The following SLC45A4 variants were observed in gnomAD, a reference collection of about 807,000 sequenced individuals.
SLC45A4 encodes the protein solute carrier family 45 member 4, also known as polyamine-transporter SLC45A4.
A neutral mutation model predicts 63.7 loss-of-function variants in SLC45A4; 32 were observed. The ratio of observed to expected loss-of-function variants is 0.50; its 90% CI spans 0.38 to 0.67. The LOEUF is 0.67. Among genes scored for constraint, SLC45A4 ranks in the 30% least tolerant of loss-of-function variants. SLC45A4 has a pLI of 0.00. For synonymous variants in SLC45A4, 535 were observed against 510.0 expected (o/e 1.05, Z -0.66); for missense variants, 1,027 against 1,157.7 (o/e 0.89, Z 1.64).
At chr8:141,282,714 C>T (rs1004307541) in intron 1 of SLC45A4, among the ~76,000 whole-genome samples, 2 of 152,256 alleles carry the variant, frequency 1.3e-5, no homozygotes, top group South Asian at 2.1e-4. Context: ...CCATCTTTCC[C>T]GGGGCTGGCA....
At chr8:141,221,435 C>G in intron 3 of SLC45A4, 142 bp downstream of exon 3, 1 of 1,074,780 alleles carries the variant, frequency 9.3e-7, no homozygotes, top group East Asian at 2.6e-5. Context: ...TGGTCACCGC[C>G]AGGGTGGCCC....
chr8:141,254,941 C>A lies in SLC45A4; in HGVS notation c.-400-312G>T, dbSNP rs867481948. On this transcript the variant is annotated intron_variant, in intron 1 of 8. Coordinates refer to ENST00000517878, the MANE Select transcript of SLC45A4 (RefSeq NM_001286646.2). The surrounding 1 kb of genome is among the most constrained non-coding windows in gnomAD (Gnocchi z 4.5). The stretch of plus-strand genomic sequence containing the variant: ...TTTGGCCAGTAACAATATCGTCCAC[C>A]CTGTGTACCACAGCACGTAACTATT... Among the ~76,000 whole-genome samples, 1 of 152,142 alleles carries A rather than the reference C, an allele frequency of 6.6e-6. No individual in the cohort carries two copies. Among genetic ancestry groups the A allele is most frequent in the African/African-American group, 2.4e-5 (1 of 41,414 alleles).
At chr8:141,275,575 T>C (rs7840642) in intron 1 of SLC45A4, among the ~76,000 whole-genome samples, 57,807 of 151,044 alleles carry the variant, frequency 0.38, 11,578 homozygotes, top group African/African-American at 0.5. Flanking sequence ...AGGTGGCGTG[T>C]TCCAGCCTGG....
chr8:141,250,763 G>A (rs1183820775), intron 2 of SLC45A4, among the ~76,000 whole-genome samples: 4 of 152,248 alleles, frequency 2.6e-5, no homozygotes, highest in Admixed American at 6.5e-5. Context: ...ATCCATTTTC[G>A]ACTCAAGGTA....
intron 2 of SLC45A4, among the ~76,000 whole-genome samples, chr8:141,241,453 C>T (rs867587661): frequency 1.3e-5 from 2 of 152,198 alleles, no homozygotes; most frequent in East Asian, 1.9e-4. Flanking sequence ...ACGGAAACCT[C>T]GCTGTCTGCC....
intron 1 of SLC45A4, among the ~76,000 whole-genome samples, chr8:141,283,180 A>C (rs896498952): frequency 5.3e-5 from 8 of 152,228 alleles, no homozygotes; most frequent in African/African-American, 1.9e-4. Context: ...AGATTCCTCA[A>C]GTCCTGAGCT....
Position 141,227,710 on chromosome 8 carries a change from G to A in SLC45A4, c.242-5945C>T, listed in dbSNP as rs1391440979. ...CTGTGCTGGCGAGGGCCCCACAGCT[G>A]CAAGGAATGTTCCAGAACCACTACA... On this transcript the variant is annotated intron_variant, in intron 2 of 8. Coordinates refer to ENST00000517878, the MANE Select transcript of SLC45A4 (RefSeq NM_001286646.2). This position sits in a 1 kb window ranked among gnomAD's most constrained non-coding sequence, Gnocchi z 4.4. Among the ~76,000 whole-genome samples, 1 of 152,186 alleles carries A rather than the reference G, an allele frequency of 6.6e-6. No individual in the cohort carries two copies. Among genetic ancestry groups the A allele is most frequent in the Non-Finnish European group, 1.5e-5 (1 of 68,028 alleles).
chr8:141,281,669 A>G (rs1210494609), intron 1 of SLC45A4, among the ~76,000 whole-genome samples: 1 of 152,246 alleles, frequency 6.6e-6, no homozygotes, highest in African/African-American at 2.4e-5. Context: ...AGCCTGAAAG[A>G]GACAAAAAAC....
chr8:141,277,646 AT>A (rs533708800), intron 1 of SLC45A4, among the ~76,000 whole-genome samples: 34 of 147,656 alleles, frequency 2.3e-4, no homozygotes, highest in Admixed American at 5.4e-4. Flanking sequence ...ATCTTTAAAC[AT>A]TTTTTTTTTT....
chr8:141,222,083 G>A (rs996207438), intron 2 of SLC45A4, among the ~76,000 whole-genome samples: 7 of 121,226 alleles, frequency 5.8e-5, no homozygotes, highest in Admixed American at 2.6e-4. Context: ...AGGGCGCCCC[G>A]CCCAGGGCTG....
intron 2 of SLC45A4, among the ~76,000 whole-genome samples, chr8:141,247,859 C>A (rs1372147391): frequency 6.6e-6 from 1 of 152,186 alleles, no homozygotes; most frequent in East Asian, 1.9e-4. Context: ...TATAGGTAGC[C>A]AGTAAATGCC....
chr8:141,282,878 T>C (rs1057043423), intron 1 of SLC45A4, among the ~76,000 whole-genome samples: 8 of 152,244 alleles, frequency 5.3e-5, no homozygotes, highest in African/African-American at 1.9e-4. Context: ...TGGGGCTGGC[T>C]GGCACGTGAG....
intron 1 of SLC45A4, among the ~76,000 whole-genome samples, chr8:141,270,505 C>A (rs1169110561): frequency 6.6e-6 from 1 of 151,428 alleles, no homozygotes; most frequent in African/African-American, 2.4e-5. Flanking sequence ...AAAACCCCAT[C>A]TTTACAAAAA....
In SLC45A4 at chr8:141,256,046, C is replaced by T. The variant is rs928786934; in HGVS notation, c.-400-1417G>A. ...ACCCCAACCCTCGGCTTTCCACCAC[C>T]CTGCCTCCAGTGACAAACCCAGCTT... On this transcript the variant is annotated intron_variant, in intron 1 of 8. Transcript: ENST00000517878. This position sits in a 1 kb window ranked among gnomAD's most constrained non-coding sequence, Gnocchi z 4.3. Among the ~76,000 whole-genome samples, 1 of 152,260 alleles carries T rather than the reference C, an allele frequency of 6.6e-6. No individual in the cohort carries two copies. Among genetic ancestry groups the T allele is most frequent in the South Asian group, 2.1e-4 (1 of 4,824 alleles).
At chr8:141,269,528 C>CTATGTGGGTGTG (rs1264448485) in intron 1 of SLC45A4, among the ~76,000 whole-genome samples, 2 of 148,480 alleles carry the variant, frequency 1.3e-5, no homozygotes, top group African/African-American at 2.5e-5. Flanking sequence ...CGATGTCTGC[C>CTATGTGGGTGTG]TATGTGGGTG....
At chr8:141,262,007 A>G (rs1475312114) in intron 1 of SLC45A4, among the ~76,000 whole-genome samples, 3 of 152,236 alleles carry the variant, frequency 2.0e-5, no homozygotes, top group Non-Finnish European at 2.9e-5. Context: ...TGGTACTGGT[A>G]CCAAAACAGA....
intron 1 of SLC45A4, among the ~76,000 whole-genome samples, chr8:141,301,414 T>C (rs564824508): frequency 6.6e-6 from 1 of 152,246 alleles, no homozygotes; most frequent in African/African-American, 2.4e-5. Context: ...ATGTTTTAAA[T>C]TGCAATATAT....
At chr8:141,239,642 C>A (rs1346619982) in intron 2 of SLC45A4, among the ~76,000 whole-genome samples, 1 of 152,120 alleles carries the variant, frequency 6.6e-6, no homozygotes, top group South Asian at 2.1e-4. Context: ...TTCACCTGAA[C>A]GTGGTAGGAA....
rs78242541 is a variant in SLC45A4 at position 141,291,515 on chromosome 8, T to C, written c.-401+16581A>G. 3.2e-3 allele frequency among the ~76,000 whole-genome samples: 494 copies of C among 152,328 alleles called. 4 individuals carry two copies. Among genetic ancestry groups the C allele is most frequent in the Non-Finnish European group, 5.5e-3 (376 of 68,022 alleles). ...AACAAAGGAAAATAGATTCTAAGTTTAGGAAAAGCTATAAGTAACAGCGCA... is the reference window on the plus strand; with the variant it reads ...AACAAAGGAAAATAGATTCTAAGTTCAGGAAAAGCTATAAGTAACAGCGCA... On this transcript the variant is annotated intron_variant, in intron 1 of 8. Coordinates refer to ENST00000517878, the MANE Select transcript of SLC45A4 (RefSeq NM_001286646.2).
Sources: gnomAD v4.1 joint callset for allele counts (sites outside exome capture counted in the v4.1 genomes callset) on GRCh38, gnomAD v4.1.1 for gene constraint, Gnocchi (gnomAD v3.1) non-coding constraint, MANE v1.5 for transcripts, NCBI Gene and HGNC (gene_info 2026-07-23, HGNC 2026-07-21) for gene names.